The following MAML2 variants were observed in gnomAD, a reference collection of about 807,000 sequenced individuals.
MAML2 encodes mastermind-like protein 2.
A neutral mutation model predicts 96.1 loss-of-function variants in MAML2; 22 were observed. The ratio of observed to expected loss-of-function variants is 0.23; its 90% CI spans 0.16 to 0.33. The LOEUF (loss-of-function observed/expected upper bound fraction) is 0.33, where lower values mean the gene tolerates loss of function less well. Ranked by LOEUF, MAML2 falls within the 10% of genes least tolerant of loss-of-function variation. The pLI, the probability that MAML2 is intolerant of heterozygous loss-of-function variation, is 1.00. For synonymous variants in MAML2, 561 were observed against 521.3 expected, an observed-to-expected ratio of 1.08 and a Z score of -1.04; for missense variants, 1,367 against 1,392.4, an observed-to-expected ratio of 0.98 and a Z score of 0.29.
At chr11:96,194,810 C>CGGAGG (rs1196733620) in intron 1 of MAML2, among the ~76,000 whole-genome samples, 2,837 of 152,264 alleles carry the variant, frequency 0.019, 95 homozygotes, top group African/African-American at 0.065. Context: ...TAAAATCCTT[C>CGGAGG]TGAGGTTCAA....
At position 96,342,062 on chromosome 11, in the gene MAML2, G is replaced by GT; in HGVS notation, c.-168_-167insA. 1.6e-6 allele frequency: 1 copy of GT among 626,224 alleles called. No individual in the cohort carries two copies. The highest frequency in any genetic ancestry group is 2.7e-6 in the Non-Finnish European group (1 of 372,686). The allele number at this position is 626,224 out of a possible 1,614,324, so 38.8% of individuals were successfully genotyped here. Reference sequence around the variant, plus strand: ...GAGCCGTGGAGAAGTTGTGGGGGAGGGGAGTTAGTAAAAAGAGGGTGGGGA... The same window carrying GT: ...GAGCCGTGGAGAAGTTGTGGGGGAGGTGGAGTTAGTAAAAAGAGGGTGGGGA... On this transcript the variant is annotated 5_prime_UTR_variant, in exon 1 of 5. Transcript: ENST00000524717.
chr11:96,251,733 CTTTT>C (rs5793793), intron 1 of MAML2, among the ~76,000 whole-genome samples: 3 of 134,442 alleles, frequency 2.2e-5, no homozygotes, highest in African/African-American at 2.8e-5. Context: ...AATACAAACC[CTTTT>C]TTTTTTTTTT....
At chr11:96,072,824 CAAG>C (rs1859368330) in intron 2 of MAML2, among the ~76,000 whole-genome samples, 1 of 152,188 alleles carries the variant, frequency 6.6e-6, no homozygotes, top group Non-Finnish European at 1.5e-5. Flanking sequence ...CCAAAGGAAA[CAAG>C]AAGGCAAATC....
chr11:95,994,238 C>T (rs1283959183), intron 2 of MAML2, among the ~76,000 whole-genome samples: 2 of 152,172 alleles, frequency 1.3e-5, no homozygotes, highest in African/African-American at 4.8e-5. Context: ...AGATCCTCTT[C>T]ACTAGTTAGT....
rs117634028 is a variant in MAML2 at position 96,108,053 on chromosome 11, C to G, written c.514-14536G>C. Among the ~76,000 whole-genome samples, 6 of 152,278 alleles carry G rather than the reference C, an allele frequency of 3.9e-5. No homozygotes were observed. In the South Asian group the frequency reaches 1.0e-3, roughly 26 times the overall value. ...ATAGGAACCCCAATTTATAGCTTGTCGGTCAGAAGCACAGGTCACAACCTA... is the reference window on the plus strand; with the variant it reads ...ATAGGAACCCCAATTTATAGCTTGTGGGTCAGAAGCACAGGTCACAACCTA... On this transcript the variant is annotated intron_variant, in intron 1 of 4. Coordinates refer to ENST00000524717, the MANE Select transcript of MAML2 (RefSeq NM_032427.4).
At chr11:96,177,770 A>G (rs1051467155) in intron 1 of MAML2, among the ~76,000 whole-genome samples, 2 of 152,172 alleles carry the variant, frequency 1.3e-5, no homozygotes, top group African/African-American at 2.4e-5. Flanking sequence ...AGGATAAGGC[A>G]TGGGGTGTGG....
intron 2 of MAML2, among the ~76,000 whole-genome samples, chr11:96,049,201 G>A (rs577555717): frequency 6.6e-6 from 1 of 152,072 alleles, no homozygotes; most frequent in Non-Finnish European, 1.5e-5. Context: ...CTTCAGAACT[G>A]GCATACTATG....
intron 2 of MAML2, among the ~76,000 whole-genome samples, chr11:96,010,894 T>A (rs987275775): frequency 2.6e-5 from 4 of 152,206 alleles, no homozygotes; most frequent in Non-Finnish European, 5.9e-5. Context: ...TTAGAAGAAA[T>A]TCAGAGTTTT....
Position 96,260,444 on chromosome 11 carries a change from CTT to C in MAML2, c.513+80937_513+80938del, listed in dbSNP as rs572109497. Reference sequence around the variant, plus strand: ...CAATACATTTTTTTCTTCAGTGTCTCTTGTTCTTGGAATGGAGGTGCAGCATA... The same window carrying C: ...CAATACATTTTTTTCTTCAGTGTCTCGTTCTTGGAATGGAGGTGCAGCATA... On this transcript the variant is annotated intron_variant, in intron 1 of 4. Transcript: ENST00000524717. Among the ~76,000 whole-genome samples the C allele has an allele frequency of 3.9e-4, 60 of 152,250 alleles. 1 individual carries two copies. Among genetic ancestry groups the C allele is most frequent in the African/African-American group, 1.3e-3 (56 of 41,546 alleles).
intron 1 of MAML2, among the ~76,000 whole-genome samples, chr11:96,229,551 C>T (rs901303573): frequency 2.0e-5 from 3 of 147,864 alleles, no homozygotes; most frequent in African/African-American, 7.6e-5. Flanking sequence ...TCTAACCAGA[C>T]TGCAAGCATC....
chr11:96,026,821 T>TAA (rs34892837), intron 2 of MAML2, among the ~76,000 whole-genome samples: 1 of 134,708 alleles, frequency 7.4e-6, no homozygotes, highest in Non-Finnish European at 1.6e-5. Context: ...GCTATGGGGT[T>TAA]AAAAAAAAAA....
chr11:96,106,554 A>G (rs1177470115), intron 1 of MAML2, among the ~76,000 whole-genome samples: 1 of 152,230 alleles, frequency 6.6e-6, no homozygotes, highest in Non-Finnish European at 1.5e-5. Flanking sequence ...GGCATGAGAT[A>G]ATCAGACACT....
chr11:96,328,863 C>G (rs968216549), intron 1 of MAML2, among the ~76,000 whole-genome samples: 34 of 152,124 alleles, frequency 2.2e-4, no homozygotes, highest in Non-Finnish European at 3.7e-4. Context: ...ATTCCCCTCC[C>G]CCAGGGCAAT....
chr11:96,205,298 G>A (rs1285824852), intron 1 of MAML2, among the ~76,000 whole-genome samples: 1 of 152,204 alleles, frequency 6.6e-6, no homozygotes, highest in Non-Finnish European at 1.5e-5. Flanking sequence ...AAGACTGTGA[G>A]TGAACTCCCA....
chr11:96,191,281 C>T lies in MAML2; in HGVS notation c.514-97764G>A, dbSNP rs191126735. 3.5e-3 allele frequency among the ~76,000 whole-genome samples: 532 copies of T among 151,808 alleles called. 12 individuals carry two copies. The highest frequency in any genetic ancestry group is 0.027 in the East Asian group (138 of 5,146). ...GAGATTGAGACAATCCTGACCAACA[C>T]GGTGAAACCCCATCTCTACTAAAAA... On this transcript the variant is annotated intron_variant, in intron 1 of 4. Transcript: ENST00000524717.
chr11:96,095,859 G>C (rs1018850656), intron 1 of MAML2, among the ~76,000 whole-genome samples: 3 of 152,152 alleles, frequency 2.0e-5, no homozygotes, highest in Non-Finnish European at 4.4e-5. Flanking sequence ...CTTTGTACCT[G>C]GGTGTGAAGC....
intron 1 of MAML2, among the ~76,000 whole-genome samples, chr11:96,255,123 C>T (rs1321910024): frequency 6.6e-6 from 1 of 152,226 alleles, no homozygotes; most frequent in East Asian, 1.9e-4. Context: ...AGTTACCACA[C>T]CCAGCCTGAG....
At chr11:95,984,201 A>G (rs966421891) in intron 4 of MAML2, among the ~76,000 whole-genome samples, 2 of 152,250 alleles carry the variant, frequency 1.3e-5, no homozygotes, top group Non-Finnish European at 2.9e-5. Context: ...CCTAGAAGCA[A>G]TCAGCTATAT....
chr11:96,014,443 G>A (rs1222007252), intron 2 of MAML2, among the ~76,000 whole-genome samples: 5 of 152,126 alleles, frequency 3.3e-5, no homozygotes, highest in African/African-American at 4.8e-5. Flanking sequence ...CAGCCTCCTG[G>A]AATCAACATT....
Sources: gnomAD v4.1 joint callset for allele counts (sites outside exome capture counted in the v4.1 genomes callset) on GRCh38, gnomAD v4.1.1 for gene constraint, MANE v1.5 for transcripts, NCBI Gene and HGNC (gene_info 2026-07-23, HGNC 2026-07-21) for gene names.